Variants in SAMD5 observed in about 807,000 individuals in gnomAD.
The protein encoded by SAMD5 is sterile alpha motif domain containing 5, also known as sterile alpha motif domain-containing protein 5.
A neutral mutation model predicts 11.3 loss-of-function variants in SAMD5; 13 were observed. The ratio of observed to expected loss-of-function variants is 1.15; its 90% confidence interval spans 0.75 to 1.83. The LOEUF is 1.83. Ranked by LOEUF, SAMD5 falls within the 40% of genes most tolerant of loss-of-function variation. The pLI is 0.00. For synonymous variants in SAMD5, 129 were observed against 111.3 expected (o/e 1.16, Z -1.00); for missense variants, 255 against 239.1 (o/e 1.07, Z -0.44).
At chr6:147,825,812 A>G in the SAMD5 span, among the ~76,000 whole-genome samples, 1 of 152,258 alleles carries the variant, frequency 6.6e-6, no homozygotes, top group South Asian at 2.1e-4. Context: ...TTACTTATTC[A>G]TGTGAAAGTA....
chr6:147,928,789 G>A, the SAMD5 span, among the ~76,000 whole-genome samples: 4 of 152,070 alleles, frequency 2.6e-5, no homozygotes, highest in Non-Finnish European at 5.9e-5. Flanking sequence ...ACTTTTTGAT[G>A]TGGGCATTTA....
the SAMD5 span, among the ~76,000 whole-genome samples, chr6:147,781,770 GCGCACACACA>G: frequency 5.7e-5 from 4 of 70,048 alleles, no homozygotes; most frequent in South Asian, 2.3e-3. Flanking sequence ...TAATTTGTGT[GCGCACACACA>G]CACACACACA....
intron 1 of SAMD5, among the ~76,000 whole-genome samples, chr6:147,722,283 T>C: frequency 6.6e-6 from 1 of 152,140 alleles, no homozygotes; most frequent in African/African-American, 2.4e-5. Flanking sequence ...ATTTGTGTTT[T>C]TTTTTTCCCA....
At chr6:147,707,858 G>C (rs1040045428) in intron 1 of SAMD5, among the ~76,000 whole-genome samples, 1 of 152,126 alleles carries the variant, frequency 6.6e-6, no homozygotes, top group South Asian at 2.1e-4. Context: ...CACTGATGAG[G>C]CTGGGGATGA....
At chr6:147,918,941 G>A in the SAMD5 span, among the ~76,000 whole-genome samples, 5 of 151,962 alleles carry the variant, frequency 3.3e-5, 1 homozygote, top group South Asian at 4.2e-4. Context: ...TCCTGACCTC[G>A]TGATCTGCCT....
chr6:147,642,204 T>G (rs1790322395), intron 1 of SAMD5, among the ~76,000 whole-genome samples: 2 of 152,242 alleles, frequency 1.3e-5, no homozygotes, highest in South Asian at 2.1e-4. Context: ...TTTCTCTGTT[T>G]TAAGAAGTCC....
At chr6:147,524,621 C>T (rs1346834213) in intron 1 of SAMD5, among the ~76,000 whole-genome samples, 2 of 152,062 alleles carry the variant, frequency 1.3e-5, no homozygotes, top group African/African-American at 4.8e-5. Context: ...GACTTCTCTG[C>T]TTGCTTGAAC....
At chr6:147,560,159 G>A (rs1220126512) in intron 1 of SAMD5, among the ~76,000 whole-genome samples, 1 of 152,206 alleles carries the variant, frequency 6.6e-6, no homozygotes, top group Non-Finnish European at 1.5e-5. Context: ...TAGGAGATAT[G>A]AACAAATGTA....
chr6:147,639,098 A>G (rs1245166511), intron 1 of SAMD5, among the ~76,000 whole-genome samples: 1 of 152,136 alleles, frequency 6.6e-6, no homozygotes, highest in African/African-American at 2.4e-5. Context: ...TTAAACTGCA[A>G]ATTGCGAGTA....
At chr6:147,800,481 A>C in the SAMD5 span, among the ~76,000 whole-genome samples, 2 of 152,180 alleles carry the variant, frequency 1.3e-5, no homozygotes, top group African/African-American at 4.8e-5. Flanking sequence ...AAGCTGTCAG[A>C]CAGGGACATT....
chr6:147,880,494 T>C, the SAMD5 span, among the ~76,000 whole-genome samples: 1 of 152,216 alleles, frequency 6.6e-6, no homozygotes, highest in Non-Finnish European at 1.5e-5. Flanking sequence ...AGACCTAATA[T>C]ACTGCGCCTT....
chr6:147,810,922 A>T, the SAMD5 span, among the ~76,000 whole-genome samples: 1 of 152,218 alleles, frequency 6.6e-6, no homozygotes, highest in African/African-American at 2.4e-5. Context: ...CAAGAAGCTG[A>T]TATCTAACTG....
the SAMD5 span, among the ~76,000 whole-genome samples, chr6:147,911,798 G>T: frequency 6.6e-5 from 10 of 152,294 alleles, no homozygotes; most frequent in Admixed American, 1.3e-4. Flanking sequence ...AGCTGGTCTG[G>T]GCCAGATGCA....
chr6:147,913,779 G>A, the SAMD5 span, among the ~76,000 whole-genome samples: 141 of 152,358 alleles, frequency 9.3e-4, no homozygotes, highest in African/African-American at 3.2e-3. Context: ...ATGTATTTAT[G>A]TGAACTATCT....
the SAMD5 span, among the ~76,000 whole-genome samples, chr6:147,928,930 A>T: frequency 4.0e-5 from 6 of 151,426 alleles, no homozygotes; most frequent in Non-Finnish European, 1.5e-5. Context: ...CCCAAAAGTC[A>T]TTCAGGAGCA....
chr6:147,786,440 G>A, the SAMD5 span, among the ~76,000 whole-genome samples: 1 of 152,144 alleles, frequency 6.6e-6, no homozygotes, highest in Non-Finnish European at 1.5e-5. Flanking sequence ...ATTTTGTGAG[G>A]CGAATATAAG....
At chr6:147,865,599 C>T in the SAMD5 span, among the ~76,000 whole-genome samples, 1 of 152,166 alleles carries the variant, frequency 6.6e-6, no homozygotes, top group Admixed American at 6.5e-5. Context: ...ATGAATGCCT[C>T]AAAGGTCCCC....
At chr6:147,625,075 C>A (rs1385480817) in intron 1 of SAMD5, among the ~76,000 whole-genome samples, 1 of 152,074 alleles carries the variant, frequency 6.6e-6, no homozygotes, top group Non-Finnish European at 1.5e-5. Context: ...AAACAGGTGC[C>A]TTTTGTTCCA....
At chr6:147,683,637 G>T (rs985490462) in intron 1 of SAMD5, among the ~76,000 whole-genome samples, 10 of 152,158 alleles carry the variant, frequency 6.6e-5, no homozygotes, top group Non-Finnish European at 2.9e-5. Flanking sequence ...GCATGGAAGT[G>T]CATGGCAGTG....
Sources: gnomAD v4.1 joint callset for allele counts (sites outside exome capture counted in the v4.1 genomes callset) on GRCh38, gnomAD v4.1.1 for gene constraint, MANE v1.5 for transcripts, NCBI Gene and HGNC (gene_info 2026-07-23, HGNC 2026-07-21) for gene names.